The following RCOR1 variants were observed in gnomAD, a reference collection of about 807,000 sequenced individuals.
RCOR1 encodes REST corepressor 1.
RCOR1 carries 12 observed loss-of-function variants against 64.0 expected under a neutral mutation model. The observed-to-expected ratio is 0.19, with a 90% CI of 0.12 to 0.30. RCOR1 has a LOEUF of 0.30. Among genes scored for constraint, RCOR1 ranks in the 10% least tolerant of loss-of-function variants. RCOR1 has a pLI of 1.00. For synonymous variants in RCOR1, 279 were observed against 227.2 expected (o/e 1.23, Z -2.05); for missense variants, 502 against 621.2 (o/e 0.81, Z 2.04).
chr14:102,600,053 A>G (rs1010268829), intron 2 of RCOR1, among the ~76,000 whole-genome samples: 3 of 149,688 alleles, frequency 2.0e-5, no homozygotes, highest in African/African-American at 7.4e-5. Context: ...TGTGCCTGGC[A>G]ATGCTTTGTG....
In RCOR1 at chr14:102,592,962, TCCGCCGCCGCCGCCTCCG is replaced by T; in HGVS notation, c.85_102del (p.Ala29_Ala34del). 2 of 1,166,094 alleles carry T rather than the reference TCCGCCGCCGCCGCCTCCG, an allele frequency of 1.7e-6. No individual in the cohort carries two copies. Among genetic ancestry groups the T allele is most frequent in the Middle Eastern group, 3.5e-4 (1 of 2,850 alleles). The allele number at this position is 1,166,094 out of a possible 1,614,324, so 72.2% of individuals were successfully genotyped here. A position where few individuals can be genotyped will look rare whatever the true frequency, so the allele number is the denominator to read the frequency against. On this transcript the variant is annotated inframe_deletion, in exon 1 of 12. Transcript: ENST00000262241. ...GAGGAACAACGCGGCCGCCTCCGCC[TCCGCCGCCGCCGCCTCCG>T]CCGCCGCCTCGGCCGCCTGCGCCTC...
intron 2 of RCOR1, among the ~76,000 whole-genome samples, chr14:102,621,189 C>G (rs974208814): frequency 2.0e-5 from 3 of 152,046 alleles, no homozygotes; most frequent in African/African-American, 7.2e-5. Flanking sequence ...CTAGGCTGGT[C>G]TTGAACTCCT....
At position 102,690,766 on chromosome 14, in the gene RCOR1, G is replaced by A. The variant is rs149292251; in HGVS notation, c.445+8788G>A. Among the ~76,000 whole-genome samples, 364 of 152,078 alleles carry A rather than the reference G, an allele frequency of 2.4e-3. 4 individuals are homozygous for A. Among genetic ancestry groups the A allele is most frequent in the African/African-American group, 8.5e-3 (352 of 41,468 alleles). ...TTCTTTCATTCTGCTTATCATCACC[G>A]GACATCGTATTATCTACTTTATGTC... On this transcript the variant is annotated intron_variant, in intron 3 of 11. Transcript: ENST00000262241.
chr14:102,597,360 G>A lies in RCOR1; in HGVS notation c.361+4035G>A, dbSNP rs566728292. Among the ~76,000 whole-genome samples the A allele has an allele frequency of 6.6e-5, 10 of 150,556 alleles. No individual in the cohort carries two copies. In the East Asian group the frequency reaches 1.6e-3, roughly 24 times the overall value. On this transcript the variant is annotated intron_variant, in intron 2 of 11. Coordinates refer to ENST00000262241, the MANE Select transcript of RCOR1 (RefSeq NM_015156.4). ...TTTTTTTTTTTTGAGACAGAGTCTC[G>A]CTCTTTCACCCAGGCTGGAGTGCAG...
chr14:102,603,289 G>A (rs530613091), intron 2 of RCOR1, among the ~76,000 whole-genome samples: 2 of 151,958 alleles, frequency 1.3e-5, no homozygotes, highest in African/African-American at 4.8e-5. Context: ...GCTAAGTATC[G>A]ATAAGAAAAG....
chr14:102,671,861 C>A (rs4633650), intron 2 of RCOR1, among the ~76,000 whole-genome samples: 1 of 152,106 alleles, frequency 6.6e-6, no homozygotes, highest in Non-Finnish European at 1.5e-5. Context: ...TTCAAATGCC[C>A]TACAGCCTCT....
chr14:102,714,739 A>C (rs758446776), intron 8 of RCOR1, 122 bp downstream of exon 8: 2 of 725,162 alleles, frequency 2.8e-6, no homozygotes, highest in Non-Finnish European at 2.2e-6. Flanking sequence ...GTTTCGAAGG[A>C]ATTGGACAGA....
intron 2 of RCOR1, among the ~76,000 whole-genome samples, chr14:102,605,067 C>CAA (rs71119718): frequency 4.7e-4 from 44 of 93,934 alleles, no homozygotes; most frequent in African/African-American, 5.4e-4. Context: ...TATTCCATCT[C>CAA]AAAAAAAAAA....
Position 102,727,004 on chromosome 14 carries a change from T to A in RCOR1, c.*498T>A, listed in dbSNP as rs1332613694. ...CAACCACCTAAGTGATAATACGCTT[T>A]TTTGGAAACTAATATATATTGCCAG... On this transcript the variant is annotated 3_prime_UTR_variant, in exon 12 of 12. Transcript: ENST00000262241. The A allele has an allele frequency of 1.3e-5, 2 of 154,466 alleles. No individual in the cohort carries two copies. The highest frequency in any genetic ancestry group is 2.9e-5 in the Non-Finnish European group (2 of 69,708). The allele number at this position is 154,466 out of a possible 1,614,324, so 9.6% of individuals were successfully genotyped here.
intron 2 of RCOR1, among the ~76,000 whole-genome samples, chr14:102,621,913 A>G (rs1893881559): frequency 1.3e-5 from 2 of 152,134 alleles, no homozygotes; most frequent in South Asian, 2.1e-4. Flanking sequence ...GATTGTACCA[A>G]TTTAGCTGGC....
intron 2 of RCOR1, among the ~76,000 whole-genome samples, chr14:102,665,298 C>G (rs1204654453): frequency 6.7e-6 from 1 of 149,992 alleles, no homozygotes; most frequent in Non-Finnish European, 1.5e-5. Flanking sequence ...AGCCACCACA[C>G]CTGGCCTCAA....
At chr14:102,717,295 G>C (rs908258520) in intron 8 of RCOR1, among the ~76,000 whole-genome samples, 2 of 152,184 alleles carry the variant, frequency 1.3e-5, no homozygotes, top group Admixed American at 6.5e-5. Flanking sequence ...TTATCTTGAT[G>C]GTTCCCTTGG....
intron 2 of RCOR1, among the ~76,000 whole-genome samples, chr14:102,613,738 A>T (rs1203134603): frequency 5.5e-5 from 8 of 146,242 alleles, no homozygotes; most frequent in South Asian, 2.1e-4. Flanking sequence ...TTTTTTTTTT[A>T]AAGAGGTGGA....
chr14:102,610,141 AAAAG>A (rs1209204294), intron 2 of RCOR1, among the ~76,000 whole-genome samples: 1 of 152,154 alleles, frequency 6.6e-6, no homozygotes, highest in East Asian at 1.9e-4. Flanking sequence ...AAAAAAAAAA[AAAAG>A]AGAAATCGTC....
intron 2 of RCOR1, among the ~76,000 whole-genome samples, chr14:102,632,218 GT>G (rs58663777): frequency 0.61 from 79,119 of 130,266 alleles, 23,548 homozygotes; most frequent in South Asian, 0.69. Context: ...CGTTTGTTGG[GT>G]TTTTTTTTTT....
intron 2 of RCOR1, among the ~76,000 whole-genome samples, chr14:102,672,554 T>C (rs1167280309): frequency 1.3e-5 from 2 of 152,182 alleles, no homozygotes; most frequent in Non-Finnish European, 2.9e-5. Context: ...CACCATTTTA[T>C]ATTCCCAACA....
At chr14:102,659,993 A>G (rs563484383) in intron 2 of RCOR1, among the ~76,000 whole-genome samples, 22 of 152,338 alleles carry the variant, frequency 1.4e-4, no homozygotes, top group South Asian at 8.3e-4. Flanking sequence ...TCGCATGCTC[A>G]TGGTGTGCTG....
At chr14:102,678,882 G>A (rs1014018781) in intron 2 of RCOR1, among the ~76,000 whole-genome samples, 5 of 152,140 alleles carry the variant, frequency 3.3e-5, no homozygotes, top group African/African-American at 1.2e-4. Flanking sequence ...AATGGCTAAT[G>A]ATGTAGAGCA....
At chr14:102,657,712 C>T (rs1343817723) in intron 2 of RCOR1, 6 of 373,436 alleles carry the variant, frequency 1.6e-5, no homozygotes, top group Non-Finnish European at 2.2e-5. Flanking sequence ...GTGGTGCGTG[C>T]CTGTAATCCC....
Sources: gnomAD v4.1 joint callset for allele counts (sites outside exome capture counted in the v4.1 genomes callset) on GRCh38, gnomAD v4.1.1 for gene constraint, MANE v1.5 for transcripts, NCBI Gene and HGNC (gene_info 2026-07-23, HGNC 2026-07-21) for gene names.